The following CCDC33 variants were observed in gnomAD, a reference collection of about 807,000 sequenced individuals.
CCDC33 encodes the protein coiled-coil domain-containing protein 33.
Under a neutral mutation model 91.9 loss-of-function variants are expected in CCDC33, and 94 were observed. The observed-to-expected ratio is 1.02, with a 90% CI of 0.87 to 1.21. CCDC33 has a LOEUF of 1.21. Ranked by LOEUF, CCDC33 falls within the 50% of genes most tolerant of loss-of-function variation. The pLI is 0.00. For missense variants in CCDC33, 940 were observed against 935.5 expected (o/e 1.00, Z -0.06); for synonymous variants, 396 against 374.5 (o/e 1.06, Z -0.66).
chr15:74,227,220 A>G (rs964985550), intron 2 of CCDC33, among the ~76,000 whole-genome samples: 3 of 152,256 alleles, frequency 2.0e-5, no homozygotes, highest in Non-Finnish European at 4.4e-5. Flanking sequence ...AGCAAGGTCA[A>G]GCTGGAATCC....
intron 1 of CCDC33, among the ~76,000 whole-genome samples, chr15:74,203,637 T>C (rs942979867): frequency 7.2e-5 from 11 of 152,382 alleles, no homozygotes; most frequent in Admixed American, 1.3e-4. Flanking sequence ...CTTAAATTTA[T>C]TGAACACACA....
At chr15:74,330,584 TG>T in intron 12 of CCDC33, 78 bp from the exon 13 acceptor site, 1 of 1,261,630 alleles carries the variant, frequency 7.9e-7, no homozygotes, top group Admixed American at 1.7e-5. Flanking sequence ...AAGGGATATC[TG>T]CCTTCCTGCT....
Position 74,330,363 on chromosome 15 carries a change from G to A in CCDC33, c.1456+9G>A, listed in dbSNP as rs758731639. 3.2e-6 allele frequency: 5 copies of A among 1,575,308 alleles called. No homozygotes were observed. Among genetic ancestry groups the A allele is most frequent in the South Asian group, 1.2e-5 (1 of 86,910 alleles). On this transcript the variant is annotated intron_variant, in intron 12 of 18. Coordinates refer to ENST00000398814, the MANE Select transcript of CCDC33 (RefSeq NM_025055.5). ...TGAGGCCCAGAACACGGGTGAGGAT[G>A]TGCAGGCCACCAAGGGCACCCGGGC...
At chr15:74,312,967 C>G (rs1411812089) in intron 11 of CCDC33, among the ~76,000 whole-genome samples, 1 of 152,234 alleles carries the variant, frequency 6.6e-6, no homozygotes, top group African/African-American at 2.4e-5. Flanking sequence ...CAAACAATGC[C>G]CTGGAAGGCT....
chr15:74,273,065 A>C (rs1463521147), intron 7 of CCDC33, among the ~76,000 whole-genome samples, 174 bp downstream of exon 7: 1 of 152,250 alleles, frequency 6.6e-6, no homozygotes, highest in Admixed American at 6.5e-5. Flanking sequence ...CCCTCCAGGA[A>C]CTCTTGGTCT....
At chr15:74,237,906 C>A (rs1271957069) in intron 1 of CCDC33, among the ~76,000 whole-genome samples, 1 of 151,732 alleles carries the variant, frequency 6.6e-6, no homozygotes, top group African/African-American at 2.4e-5. Context: ...CAGCACTTGG[C>A]GAGGCCGAGG....
chr15:74,221,242 T>TAAACAAAACA, intron 2 of CCDC33: 1 of 744,028 alleles, frequency 1.3e-6, no homozygotes, highest in Non-Finnish European at 1.6e-6. Flanking sequence ...TTTTTTTTTT[T>TAAACAAAACA]TCACCAGAAC....
At chr15:74,331,401 C>T (rs1004275027) in intron 15 of CCDC33, 105 bp downstream of exon 15, 2 of 1,134,898 alleles carry the variant, frequency 1.8e-6, no homozygotes, top group Non-Finnish European at 2.5e-6. Flanking sequence ...CGAAGAGGTC[C>T]CCTGCACTCA....
At chr15:74,311,360 G>C (rs1439260916) in intron 11 of CCDC33, among the ~76,000 whole-genome samples, 1 of 152,116 alleles carries the variant, frequency 6.6e-6, no homozygotes, top group African/African-American at 2.4e-5. Context: ...GTGGGCACAT[G>C]CTTCGCAAAA....
At chr15:74,245,466 T>C (rs2075494124) in intron 2 of CCDC33, among the ~76,000 whole-genome samples, 1 of 152,228 alleles carries the variant, frequency 6.6e-6, no homozygotes, top group African/African-American at 2.4e-5. Flanking sequence ...GGCTGGTTTC[T>C]AGCGGGGAGC....
chr15:74,264,283 G>A (rs1305344344), intron 3 of CCDC33, among the ~76,000 whole-genome samples: 1 of 152,194 alleles, frequency 6.6e-6, no homozygotes, highest in Non-Finnish European at 1.5e-5. Context: ...AAGCAAAGGG[G>A]AGTTTCAGAC....
At chr15:74,305,046 A>G (rs1172666907) in intron 11 of CCDC33, among the ~76,000 whole-genome samples, 1 of 152,036 alleles carries the variant, frequency 6.6e-6, no homozygotes, top group Non-Finnish European at 1.5e-5. Context: ...TCCCAGGTTC[A>G]AGTGATTCTT....
chr15:74,221,159 C>T, intron 2 of CCDC33: 1 of 955,274 alleles, frequency 1.0e-6, no homozygotes, highest in Non-Finnish European at 1.2e-6. Flanking sequence ...CTATTCAATT[C>T]AGAACTTGGT....
At chr15:74,253,143 G>A (rs1267954506) in intron 2 of CCDC33, among the ~76,000 whole-genome samples, 1 of 152,212 alleles carries the variant, frequency 6.6e-6, no homozygotes, top group Non-Finnish European at 1.5e-5. Context: ...GAGATTTGGG[G>A]CCATGAGGCA....
At chr15:74,248,627 T>C (rs991332836) in intron 2 of CCDC33, among the ~76,000 whole-genome samples, 1 of 152,146 alleles carries the variant, frequency 6.6e-6, no homozygotes, top group Non-Finnish European at 1.5e-5. Flanking sequence ...ATCCCCTTAG[T>C]GGGGAGCTGA....
At position 74,244,837 on chromosome 15, in the gene CCDC33, G is replaced by A. The variant is rs766896705; in HGVS notation, c.185+689G>A. On this transcript the variant is annotated intron_variant, in intron 2 of 18. Transcript: ENST00000398814. This position sits in a 1 kb window ranked among gnomAD's most constrained non-coding sequence, Gnocchi z 4.2. ...ATATTTGCTCAATCTTTATTATAAA[G>A]CACCCTCCAAGGAGCATGTCACCCC... Among the ~76,000 whole-genome samples the A allele has an allele frequency of 1.3e-5, 2 of 152,154 alleles. No homozygotes were observed. The highest frequency in any genetic ancestry group is 6.5e-5 in the Admixed American group (1 of 15,280).
rs2074496401 is a variant in CCDC33, at chr15:74,218,122, C to G, written c.311-375C>G. On this transcript the variant is annotated intron_variant, in intron 1 of 2. Coordinates refer to the CCDC33 transcript ENST00000635913. This position sits in a 1 kb window ranked among gnomAD's most constrained non-coding sequence, Gnocchi z 4.8. ...GACTAAGGCCACCCTGGCAGGCTGCCTGGAGGAGGAGGGATGTGAGGGAAC... is the reference window on the plus strand; with the variant it reads ...GACTAAGGCCACCCTGGCAGGCTGCGTGGAGGAGGAGGGATGTGAGGGAAC... 6.6e-6 allele frequency among the ~76,000 whole-genome samples: 1 copy of G among 152,116 alleles called. No individual in the cohort carries two copies.
chr15:74,211,256 C>T (rs1404695881), intron 2 of CCDC33, among the ~76,000 whole-genome samples: 1 of 152,064 alleles, frequency 6.6e-6, no homozygotes, highest in East Asian at 1.9e-4. Flanking sequence ...TGGGAGACTC[C>T]TTCTGGGATT....
chr15:74,328,318 C>A (rs984949180), intron 11 of CCDC33, among the ~76,000 whole-genome samples: 1 of 152,198 alleles, frequency 6.6e-6, no homozygotes, highest in African/African-American at 2.4e-5. Context: ...TGGAGGAGAG[C>A]AGCAGCCTCC....
Sources: allele counts gnomAD v4.1 joint callset (sites outside exome capture counted in the v4.1 genomes callset), GRCh38; gene constraint gnomAD v4.1.1; non-coding constraint Gnocchi (gnomAD v3.1); transcripts MANE v1.5; gene names NCBI Gene and HGNC (gene_info 2026-07-23, HGNC 2026-07-21).